The following CPNE5 variants were observed in gnomAD, a reference collection of about 807,000 sequenced individuals.
CPNE5 encodes copine 5, also known as copine-5.
Under a neutral mutation model 81.1 loss-of-function variants are expected in CPNE5, and 42 were observed. The observed-to-expected ratio is 0.52, with a 90% CI of 0.40 to 0.67. CPNE5 has a LOEUF of 0.67. CPNE5 is among the 30% of genes least tolerant of loss of function. CPNE5 has a pLI of 0.00. For synonymous variants in CPNE5, 313 were observed against 321.5 expected (o/e 0.97, Z 0.28); for missense variants, 612 against 815.5 (o/e 0.75, Z 3.04).
chr6:36,794,276 G>C (rs986843831), intron 7 of CPNE5, among the ~76,000 whole-genome samples: 2 of 151,898 alleles, frequency 1.3e-5, no homozygotes, highest in Admixed American at 6.6e-5. Flanking sequence ...AACAGAGAGT[G>C]CCCAGCCCCG....
intron 13 of CPNE5, chr6:36,756,003 G>T: frequency 1.9e-6 from 1 of 533,158 alleles, no homozygotes; most frequent in Non-Finnish European, 3.3e-6. Flanking sequence ...GAAGTCCCGT[G>T]GATGTCTCTG....
At chr6:36,809,502 G>A (rs561331672) in intron 3 of CPNE5, among the ~76,000 whole-genome samples, 1 of 152,232 alleles carries the variant, frequency 6.6e-6, no homozygotes, top group East Asian at 1.9e-4. Context: ...ATTGAGCCCA[G>A]GAGATTGAGG....
At chr6:36,838,590 G>T in intron 1 of CPNE5, 1 of 181,452 alleles carries the variant, frequency 5.5e-6, no homozygotes. Context: ...CTCCTCTGTT[G>T]GACTCTACAG....
At chr6:36,813,765 T>C (rs1771303877) in intron 3 of CPNE5, among the ~76,000 whole-genome samples, 1 of 152,166 alleles carries the variant, frequency 6.6e-6, no homozygotes, top group Non-Finnish European at 1.5e-5. Flanking sequence ...TCCCTCCACC[T>C]GCAACACCCT....
chr6:36,827,708 C>T (rs561315395), intron 1 of CPNE5: 19 of 985,382 alleles, frequency 1.9e-5, no homozygotes, highest in Admixed American at 1.2e-4. Context: ...GAGTCACTTG[C>T]CCACAAGCAC....
chr6:36,790,689 T>C (rs557632636), intron 8 of CPNE5, among the ~76,000 whole-genome samples: 1 of 152,176 alleles, frequency 6.6e-6, no homozygotes, highest in African/African-American at 2.4e-5. Context: ...CACTGCAGCC[T>C]CTGCCTGCCG....
chr6:36,760,093 T>C (rs904155865), intron 12 of CPNE5, among the ~76,000 whole-genome samples: 3 of 148,756 alleles, frequency 2.0e-5, no homozygotes, highest in African/African-American at 5.0e-5. Flanking sequence ...TGTGTGCCTG[T>C]GGTCCCAGCT....
At chr6:36,782,866 CACAA>C (rs1196763038) in intron 8 of CPNE5, among the ~76,000 whole-genome samples, 9 of 143,572 alleles carry the variant, frequency 6.3e-5, no homozygotes, top group Middle Eastern at 3.6e-3. Flanking sequence ...CACACACACA[CACAA>C]AACGGCACAA....
At position 36,744,292 on chromosome 6, in the gene CPNE5, C is replaced by G. The variant is rs760386224; in HGVS notation, c.1465G>C (p.Gly489Arg). The G allele has an allele frequency of 6.3e-7, 1 of 1,583,810 alleles. No individual in the cohort carries two copies. The highest frequency in any genetic ancestry group is 8.6e-7 in the Non-Finnish European group (1 of 1,165,696). ...CCGTCGAACTCTGCCTGGCCCACGC[C>G]GACGATAATGATGGACATGGGGAGC... is the stretch of plus-strand genomic sequence containing the variant. ...AKLPMSIIIV[G>R]VGQAEFDAMV... Residue 489 changes from glycine to arginine, a missense_variant, in exon 19 of 21, where the codon GGC (glycine) becomes CGC (arginine). Coordinates refer to ENST00000244751, the MANE Select transcript of CPNE5 (RefSeq NM_020939.2).
intron 10 of CPNE5, among the ~76,000 whole-genome samples, chr6:36,774,083 T>TAA (rs71540168): frequency 9.3e-5 from 13 of 139,742 alleles, no homozygotes; most frequent in African/African-American, 1.6e-4. Flanking sequence ...CCATCTCAAT[T>TAA]AAAAAAAAAA....
chr6:36,783,467 C>T (rs930226528), intron 8 of CPNE5, among the ~76,000 whole-genome samples: 5 of 150,156 alleles, frequency 3.3e-5, no homozygotes, highest in African/African-American at 9.8e-5. Flanking sequence ...TGAATCCTTT[C>T]GACAACCCTA....
intron 12 of CPNE5, 72 bp from the exon 13 acceptor site, chr6:36,756,370 C>A (rs1246468882): frequency 6.8e-6 from 9 of 1,315,552 alleles, no homozygotes; most frequent in Non-Finnish European, 9.8e-6. Flanking sequence ...GGCTTCCAAC[C>A]ACCCATGGGT....
chr6:36,792,413 A>C (rs1001763239), intron 7 of CPNE5: 2 of 1,417,724 alleles, frequency 1.4e-6, no homozygotes, highest in Non-Finnish European at 1.9e-6. Context: ...CTTCCAGACC[A>C]GTGGTTCTCA....
At chr6:36,820,335 C>CTTTTTTTT (rs1163633243) in intron 3 of CPNE5, among the ~76,000 whole-genome samples, 16 of 92,410 alleles carry the variant, frequency 1.7e-4, no homozygotes, top group Non-Finnish European at 2.1e-4. Context: ...CTAATCCATT[C>CTTTTTTTT]TTTTTTTTTT....
At position 36,770,195 on chromosome 6, in the gene CPNE5, T is replaced by A. The variant is rs558836237; in HGVS notation, c.737+4766A>T. ...CAGCTAGGTCACTCAGGTTTGGCCT[T>A]GTGTGGACTGGACACATAGCAAAGG... is the stretch of plus-strand genomic sequence containing the variant. On this transcript the variant is annotated intron_variant, in intron 10 of 20. Coordinates refer to ENST00000244751, the MANE Select transcript of CPNE5 (RefSeq NM_020939.2). Among the ~76,000 whole-genome samples, 21 of 152,266 alleles carry A rather than the reference T, an allele frequency of 1.4e-4. No homozygotes were observed. The East Asian group carries it at 3.3e-3, about 24-fold the overall frequency.
chr6:36,756,012 T>C (rs1582751150), intron 13 of CPNE5: 1 of 544,454 alleles, frequency 1.8e-6, no homozygotes. Flanking sequence ...TGGATGTCTC[T>C]GCGATTCCTC....
At chr6:36,775,108 C>T in intron 9 of CPNE5, 43 bp from the exon 10 acceptor site, 2 of 1,497,860 alleles carry the variant, frequency 1.3e-6, no homozygotes, top group Non-Finnish European at 1.9e-6. Flanking sequence ...GGCCCAAACC[C>T]AAGGGAGGCG....
At chr6:36,828,763 C>T (rs1251961797) in intron 1 of CPNE5, among the ~76,000 whole-genome samples, 1 of 152,212 alleles carries the variant, frequency 6.6e-6, no homozygotes, top group African/African-American at 2.4e-5. Flanking sequence ...CCCAACAACT[C>T]ACCCTAAGCA....
In CPNE5 at chr6:36,768,225, C is replaced by CTTTTTTTCTT. The variant is rs527797208; in HGVS notation, c.738-2850_738-2849insAAGAAAAAAA. ...GGCTTTGACTACTCTATTCACAGTT[C>CTTTTTTTCTT]TTTTTTTTTTTTTTTTTTTTTTTTT... On this transcript the variant is annotated intron_variant, in intron 10 of 20. Coordinates refer to ENST00000244751, the MANE Select transcript of CPNE5 (RefSeq NM_020939.2). Among the ~76,000 whole-genome samples the CTTTTTTTCTT allele has an allele frequency of 3.2e-3, 195 of 60,514 alleles. 40 individuals are homozygous for CTTTTTTTCTT. Among genetic ancestry groups the CTTTTTTTCTT allele is most frequent in the South Asian group, 5.9e-3 (9 of 1,524 alleles). The allele number at this position is 60,514 out of a possible 152,430, so 39.7% of individuals were successfully genotyped here. A position where few individuals can be genotyped will look rare whatever the true frequency, so the allele number is the denominator to read the frequency against.
Sources: gnomAD v4.1 joint callset for allele counts (sites outside exome capture counted in the v4.1 genomes callset) on GRCh38, gnomAD v4.1.1 for gene constraint, MANE v1.5 for transcripts, NCBI Gene and HGNC (gene_info 2026-07-23, HGNC 2026-07-21) for gene names.